Variants in KCNIP4 observed in about 807,000 individuals in gnomAD.
The protein encoded by KCNIP4 is potassium voltage-gated channel interacting protein 4.
KCNIP4 carries 12 observed loss-of-function variants against 34.0 expected under a neutral mutation model. That is an observed-to-expected ratio of 0.35 (90% CI 0.23 to 0.57). The LOEUF is 0.57. Among genes scored for constraint, KCNIP4 ranks in the 20% least tolerant of loss-of-function variants. KCNIP4 has a pLI of 0.83. For missense variants in KCNIP4, 238 were observed against 311.7 expected, an observed-to-expected ratio of 0.76 and a Z score of 1.78; for synonymous variants, 124 against 102.2, an observed-to-expected ratio of 1.21 and a Z score of -1.29.
chr4:21,501,114 T>G (rs1025151912), intron 1 of KCNIP4, among the ~76,000 whole-genome samples: 10 of 152,168 alleles, frequency 6.6e-5, no homozygotes, highest in Non-Finnish European at 1.5e-4. Context: ...CACCTCCTCA[T>G]GTTCTCTTGC....
intron 3 of KCNIP4, among the ~76,000 whole-genome samples, chr4:20,811,581 G>T (rs1183637177): frequency 6.6e-6 from 1 of 152,076 alleles, no homozygotes; most frequent in African/African-American, 2.4e-5. Flanking sequence ...AATGGGTTTG[G>T]GTTACTTTGT....
chr4:21,094,395 G>T (rs779430996), intron 1 of KCNIP4, among the ~76,000 whole-genome samples: 5 of 152,172 alleles, frequency 3.3e-5, no homozygotes, highest in Non-Finnish European at 5.9e-5. Context: ...TACACAAAGT[G>T]CACAGAAATT....
At chr4:21,807,224 G>A (rs1206884684) in intron 1 of KCNIP4, among the ~76,000 whole-genome samples, 2 of 152,182 alleles carry the variant, frequency 1.3e-5, no homozygotes, top group Non-Finnish European at 2.9e-5. Context: ...TGTAAATACA[G>A]ACAAAGCTTC....
At chr4:21,727,667 A>C (rs748968282) in intron 1 of KCNIP4, among the ~76,000 whole-genome samples, 1 of 151,974 alleles carries the variant, frequency 6.6e-6, no homozygotes. Flanking sequence ...CATCTTTACT[A>C]AAAATACAAA....
chr4:20,836,321 C>A (rs892484450), intron 3 of KCNIP4, among the ~76,000 whole-genome samples: 2 of 152,156 alleles, frequency 1.3e-5, no homozygotes, highest in Non-Finnish European at 2.9e-5. Flanking sequence ...GTGTCTTCAA[C>A]CAGGAATAAC....
chr4:20,971,576 GTAATTTAAAAA>G (rs1185689203), intron 1 of KCNIP4, among the ~76,000 whole-genome samples: 1 of 152,118 alleles, frequency 6.6e-6, no homozygotes. Flanking sequence ...TGTGCAAACT[GTAATTTAAAAA>G]TACTTTACTG....
chr4:21,585,277 G>A (rs956499922), intron 1 of KCNIP4, among the ~76,000 whole-genome samples: 3 of 151,858 alleles, frequency 2.0e-5, no homozygotes, highest in East Asian at 1.9e-4. Context: ...TTCCCAAGTC[G>A]GTAGAGACCT....
Position 21,007,003 on chromosome 4 carries a change from C to T in KCNIP4, c.62-124294G>A, listed in dbSNP as rs1192719923. On this transcript the variant is annotated intron_variant, in intron 1 of 8. Coordinates refer to ENST00000382152, the MANE Select transcript of KCNIP4 (RefSeq NM_025221.6). ...TTCCTGGCAGTGCCTGGCTGACTTT[C>T]CAAGGTCTCTTGCTGAATAATGTAG... 2.6e-5 allele frequency among the ~76,000 whole-genome samples: 4 copies of T among 152,150 alleles called. No homozygotes were observed. In the South Asian group the frequency reaches 8.3e-4, roughly 32 times the overall value.
chr4:21,622,980 T>A (rs143416662), intron 1 of KCNIP4, among the ~76,000 whole-genome samples: 16 of 152,296 alleles, frequency 1.1e-4, no homozygotes, highest in African/African-American at 3.4e-4. Context: ...GTATAAGTAT[T>A]TAACATTCAA....
At chr4:21,150,856 A>G (rs1263006388) in intron 1 of KCNIP4, among the ~76,000 whole-genome samples, 2 of 152,232 alleles carry the variant, frequency 1.3e-5, no homozygotes, top group Non-Finnish European at 2.9e-5. Context: ...CTTTGAAAAA[A>G]GAAAGGACTC....
rs1395524830 is a variant in KCNIP4, at chr4:21,948,750, G to A, written c.-119C>T. On this transcript the variant is annotated 5_prime_UTR_variant, in exon 1 of 9. Transcript: ENST00000382152. ...CCCGGGGGCGTCCGTGGCGCTGGGAGCGAGAGCTTCGGCGGCGGCTGCGGG... is the reference window on the plus strand; with the variant it reads ...CCCGGGGGCGTCCGTGGCGCTGGGAACGAGAGCTTCGGCGGCGGCTGCGGG... 5.8e-6 allele frequency: 7 copies of A among 1,214,506 alleles called. No homozygotes were observed. Among genetic ancestry groups the A allele is most frequent in the Non-Finnish European group, 7.3e-6 (7 of 964,272 alleles). The allele number at this position is 1,214,506 out of a possible 1,614,324, so 75.2% of individuals were successfully genotyped here.
chr4:21,903,358 A>C (rs915103999), intron 1 of KCNIP4, among the ~76,000 whole-genome samples: 1 of 152,186 alleles, frequency 6.6e-6, no homozygotes, highest in African/African-American at 2.4e-5. Context: ...AGTCAATCTG[A>C]AGCCAAAAAG....
At chr4:20,768,933 G>A (rs1282515048) in intron 3 of KCNIP4, among the ~76,000 whole-genome samples, 1 of 152,106 alleles carries the variant, frequency 6.6e-6, no homozygotes, top group East Asian at 1.9e-4. Context: ...CTGCAAGGAT[G>A]TGGGCACATT....
At chr4:20,740,912 G>A (rs1221240633) in intron 5 of KCNIP4, among the ~76,000 whole-genome samples, 4 of 151,906 alleles carry the variant, frequency 2.6e-5, no homozygotes, top group African/African-American at 4.8e-5. Flanking sequence ...AAAAAGCAGG[G>A]GTTGCAATCC....
intron 1 of KCNIP4, among the ~76,000 whole-genome samples, chr4:21,245,345 T>C (rs1284130605): frequency 2.0e-5 from 3 of 152,160 alleles, no homozygotes; most frequent in Non-Finnish European, 4.4e-5. Flanking sequence ...TTTTCACACT[T>C]AGAAGAATTT....
At chr4:21,829,735 GAGAA>G (rs1296729269) in intron 1 of KCNIP4, among the ~76,000 whole-genome samples, 12 of 151,776 alleles carry the variant, frequency 7.9e-5, no homozygotes, top group South Asian at 2.1e-4. Context: ...CGTAATAGCA[GAGAA>G]AGAAAGAAAA....
chr4:20,877,554 T>G (rs540298006), intron 2 of KCNIP4, among the ~76,000 whole-genome samples: 1 of 152,298 alleles, frequency 6.6e-6, no homozygotes, highest in South Asian at 2.1e-4. Flanking sequence ...AGTCTTCAGT[T>G]TCCTCATATG....
At chr4:21,332,195 G>T (rs1715708581) in intron 1 of KCNIP4, among the ~76,000 whole-genome samples, 1 of 152,026 alleles carries the variant, frequency 6.6e-6, no homozygotes, top group Non-Finnish European at 1.5e-5. Flanking sequence ...CTATTCAGAA[G>T]CCCATTGGAA....
chr4:21,129,514 C>G (rs1018175518), intron 1 of KCNIP4, among the ~76,000 whole-genome samples: 1 of 152,172 alleles, frequency 6.6e-6, no homozygotes. Flanking sequence ...ACCACAGAAC[C>G]CATGCTCTTC....
Sources: gnomAD v4.1 joint callset for allele counts (sites outside exome capture counted in the v4.1 genomes callset) on GRCh38, gnomAD v4.1.1 for gene constraint, MANE v1.5 for transcripts, NCBI Gene and HGNC (gene_info 2026-07-23, HGNC 2026-07-21) for gene names.